The following CLEC16A variants were observed in gnomAD, a reference collection of about 807,000 sequenced individuals.
The protein encoded by CLEC16A is protein CLEC16A.
In CLEC16A, 51 loss-of-function variants were observed where a neutral mutation model predicts 109.5. The ratio of observed to expected loss-of-function variants is 0.47; its 90% CI spans 0.37 to 0.59. CLEC16A has a LOEUF of 0.59. Ranked by LOEUF, CLEC16A falls within the 20% of genes least tolerant of loss-of-function variation. The pLI, the probability that CLEC16A is intolerant of heterozygous loss-of-function variation, is 0.00. For synonymous variants in CLEC16A, 673 were observed against 564.2 expected (o/e 1.19, Z -2.73); for missense variants, 1,339 against 1,394.0 (o/e 0.96, Z 0.63).
chr16:11,010,819 C>T (rs1210618665), intron 11 of CLEC16A, among the ~76,000 whole-genome samples: 3 of 152,342 alleles, frequency 2.0e-5, no homozygotes, highest in East Asian at 1.9e-4. Context: ...AACATTTCCA[C>T]GATCTCTTTC....
At chr16:11,111,997 C>T (rs77670729) in intron 19 of CLEC16A, among the ~76,000 whole-genome samples, 7 of 152,200 alleles carry the variant, frequency 4.6e-5, no homozygotes, top group South Asian at 4.1e-4. Context: ...CTAAACACTC[C>T]GAATGTCTGC....
chr16:10,966,554 A>C (rs909764544), intron 3 of CLEC16A, among the ~76,000 whole-genome samples: 1 of 152,208 alleles, frequency 6.6e-6, no homozygotes, highest in Non-Finnish European at 1.5e-5. Flanking sequence ...TTATACGTAG[A>C]TATACCCGAG....
chr16:10,997,887 A>G (rs1462262541), intron 10 of CLEC16A, among the ~76,000 whole-genome samples: 2 of 152,172 alleles, frequency 1.3e-5, no homozygotes, highest in Non-Finnish European at 2.9e-5. Flanking sequence ...TTGTTGATTG[A>G]TTGCAACTTG....
chr16:11,137,139 A>G (rs928968386), intron 22 of CLEC16A, among the ~76,000 whole-genome samples: 1 of 152,164 alleles, frequency 6.6e-6, no homozygotes, highest in African/African-American at 2.4e-5. Context: ...TATCTAAAGG[A>G]AAAGTCCATA....
intron 19 of CLEC16A, among the ~76,000 whole-genome samples, chr16:11,105,453 T>C (rs960772413): frequency 6.6e-6 from 1 of 152,112 alleles, no homozygotes; most frequent in Non-Finnish European, 1.5e-5. Context: ...ACAAGGAGGG[T>C]AAAATTCTCA....
chr16:11,140,186 G>A (rs1351831525), intron 22 of CLEC16A, among the ~76,000 whole-genome samples: 1 of 152,110 alleles, frequency 6.6e-6, no homozygotes, highest in Non-Finnish European at 1.5e-5. Context: ...CTTTGTTGTG[G>A]CTTTCTGAGC....
rs141096986 is a variant in CLEC16A, at chr16:11,052,260, A to G, written c.1995+619A>G. Among the ~76,000 whole-genome samples, 453 of 152,290 alleles carry G rather than the reference A, an allele frequency of 3.0e-3. 5 individuals are homozygous for G. Among genetic ancestry groups the G allele is most frequent in the African/African-American group, 0.01 (430 of 41,548 alleles). On this transcript the variant is annotated intron_variant, in intron 18 of 23. Coordinates refer to ENST00000409790, the MANE Select transcript of CLEC16A (RefSeq NM_015226.3). The stretch of plus-strand genomic sequence containing the variant: ...CGGGTAAGATCAGAGTTTCTTTCTT[A>G]GAAAGCACCATCACCTTTTCCTAGA...
chr16:10,970,590 A>G (rs1187845683), intron 4 of CLEC16A, among the ~76,000 whole-genome samples: 3 of 152,174 alleles, frequency 2.0e-5, no homozygotes, highest in African/African-American at 7.2e-5. Context: ...CAAAGTAGAG[A>G]TGAGGTCTCG....
chr16:11,025,331 G>A (rs1357341321), intron 13 of CLEC16A, among the ~76,000 whole-genome samples: 1 of 152,174 alleles, frequency 6.6e-6, no homozygotes, highest in African/African-American at 2.4e-5. Flanking sequence ...TCTGTGTTCA[G>A]AGCTGAAATA....
chr16:10,990,346 G>A (rs2043929279), intron 10 of CLEC16A, among the ~76,000 whole-genome samples: 1 of 152,222 alleles, frequency 6.6e-6, no homozygotes, highest in African/African-American at 2.4e-5. Context: ...AGTGCAACAT[G>A]AGGTCCGGTA....
intron 11 of CLEC16A, among the ~76,000 whole-genome samples, chr16:11,008,387 A>G (rs760890417): frequency 6.6e-6 from 1 of 152,060 alleles, no homozygotes; most frequent in South Asian, 2.1e-4. Context: ...TCGAATGGAC[A>G]TCAGCCCGGG....
chr16:10,955,207 C>G (rs2041930807), intron 1 of CLEC16A, among the ~76,000 whole-genome samples: 1 of 152,234 alleles, frequency 6.6e-6, no homozygotes, highest in South Asian at 2.1e-4. Context: ...CTTGCCGTGT[C>G]TGGCGTTTGG....
chr16:10,955,719 G>A (rs905238485), intron 1 of CLEC16A, among the ~76,000 whole-genome samples: 1 of 152,186 alleles, frequency 6.6e-6, no homozygotes, highest in African/African-American at 2.4e-5. Context: ...GATGTGTGAT[G>A]CTAATAGATG....
chr16:11,076,845 G>C (rs2049403514), intron 19 of CLEC16A, among the ~76,000 whole-genome samples: 2 of 152,180 alleles, frequency 1.3e-5, no homozygotes. Flanking sequence ...ACACTCTCCA[G>C]CCCACCCCAG....
intron 10 of CLEC16A, among the ~76,000 whole-genome samples, chr16:10,997,270 T>C (rs1378943358): frequency 6.6e-6 from 1 of 152,222 alleles, no homozygotes; most frequent in African/African-American, 2.4e-5. Context: ...CCTGGGAAAG[T>C]TTTTAAATTG....
At chr16:11,066,177 G>A (rs535666870) in intron 19 of CLEC16A, among the ~76,000 whole-genome samples, 11 of 152,172 alleles carry the variant, frequency 7.2e-5, no homozygotes, top group African/African-American at 2.6e-4. Flanking sequence ...AGGACTTGCT[G>A]GGAGGAGTAG....
chr16:10,969,374 T>TA (rs1341294042), intron 4 of CLEC16A, 65 bp downstream of exon 4: 9 of 988,928 alleles, frequency 9.1e-6, no homozygotes, highest in Admixed American at 3.2e-5. Flanking sequence ...TTTTTTTTTT[T>TA]ACGGCAGCGC....
chr16:11,091,742 C>A (rs187661920), intron 19 of CLEC16A, among the ~76,000 whole-genome samples: 1 of 152,174 alleles, frequency 6.6e-6, no homozygotes, highest in African/African-American at 2.4e-5. Context: ...GCCTGAAACA[C>A]AGCAGGCCTC....
chr16:10,996,249 G>A (rs996246679), intron 10 of CLEC16A, among the ~76,000 whole-genome samples: 1 of 152,220 alleles, frequency 6.6e-6, no homozygotes, highest in Non-Finnish European at 1.5e-5. Flanking sequence ...CCCTTTGTGA[G>A]CAGCACGGGC....
Sources: gnomAD v4.1 joint callset for allele counts (sites outside exome capture counted in the v4.1 genomes callset) on GRCh38, gnomAD v4.1.1 for gene constraint, MANE v1.5 for transcripts, NCBI Gene and HGNC (gene_info 2026-07-23, HGNC 2026-07-21) for gene names.